Variants in NALF1 observed in about 807,000 individuals in gnomAD.
The protein encoded by NALF1 is family with sequence similarity 155 member A.
NALF1 carries 3 observed loss-of-function variants against 48.4 expected under a neutral mutation model. That is an observed-to-expected ratio of 0.06 (90% CI 0.03 to 0.16). The LOEUF (loss-of-function observed/expected upper bound fraction) is 0.16. Among genes scored for constraint, NALF1 ranks in the 10% least tolerant of loss-of-function variants. The pLI is 1.00. For missense variants in NALF1, 526 were observed against 571.5 expected, an observed-to-expected ratio of 0.92 and a Z score of 0.81; for synonymous variants, 262 against 245.7, an observed-to-expected ratio of 1.07 and a Z score of -0.62.
At chr13:107,774,396 AC>A (rs1472073674) in intron 1 of NALF1, among the ~76,000 whole-genome samples, 3 of 152,220 alleles carry the variant, frequency 2.0e-5, no homozygotes, top group Non-Finnish European at 2.9e-5. Context: ...TGATTTTGTT[AC>A]GGGATTTCTT....
chr13:107,276,764 ACAT>A (rs1881290193), intron 1 of NALF1, among the ~76,000 whole-genome samples: 1 of 152,182 alleles, frequency 6.6e-6, no homozygotes, highest in African/African-American at 2.4e-5. Flanking sequence ...AGAGATAAAC[ACAT>A]CATTTATAAA....
chr13:107,321,660 C>T (rs920382385), intron 1 of NALF1, among the ~76,000 whole-genome samples: 10 of 152,064 alleles, frequency 6.6e-5, no homozygotes, highest in African/African-American at 2.4e-4. Flanking sequence ...TTGTTCCTGG[C>T]CCTGCGTCTA....
intron 1 of NALF1, among the ~76,000 whole-genome samples, chr13:107,470,877 ATAATT>A (rs1286776803): frequency 1.3e-5 from 2 of 152,218 alleles, no homozygotes; most frequent in Non-Finnish European, 2.9e-5. Context: ...ACGATCGTTA[ATAATT>A]TAAAGGGTGA....
rs150188895 is a variant in NALF1, at chr13:107,556,290, TATATATACAC to T, written c.915+309382_915+309391del. On this transcript the variant is annotated intron_variant, in intron 1 of 2. Coordinates refer to ENST00000375915, the MANE Select transcript of NALF1 (RefSeq NM_001080396.3). The stretch of plus-strand genomic sequence containing the variant: ...CTCTCAACATATATATATATATATA[TATATATACAC>T]ACACACACACACACACACATATATA... Among the ~76,000 whole-genome samples, 3,278 of 137,350 alleles carry T rather than the reference TATATATACAC, an allele frequency of 0.024. 319 individuals are homozygous for T. In the East Asian group the frequency reaches 0.34, roughly 14 times the overall value. The allele number at this position is 137,350 out of a possible 152,430, so 90.1% of individuals were successfully genotyped here.
chr13:107,546,112 T>C (rs188249972), intron 1 of NALF1, among the ~76,000 whole-genome samples: 41 of 152,228 alleles, frequency 2.7e-4, no homozygotes, highest in Admixed American at 7.9e-4. Context: ...CCAGCAGTTA[T>C]AGCCAACAAC....
At chr13:107,293,324 A>G (rs1881666132) in intron 1 of NALF1, among the ~76,000 whole-genome samples, 1 of 152,154 alleles carries the variant, frequency 6.6e-6, no homozygotes, top group African/African-American at 2.4e-5. Flanking sequence ...CATGTGGTCC[A>G]TTGTTGACTG....
At chr13:107,170,865 A>G in intron 2 of NALF1, 79 bp from the exon 3 acceptor site, 2 of 1,321,372 alleles carry the variant, frequency 1.5e-6, no homozygotes, top group African/African-American at 1.5e-5. Flanking sequence ...TTGCTTTAAC[A>G]TTCTAACCCA....
intron 1 of NALF1, among the ~76,000 whole-genome samples, chr13:107,261,102 T>TA (rs1880919573): frequency 6.6e-6 from 1 of 152,254 alleles, no homozygotes; most frequent in African/African-American, 2.4e-5. Flanking sequence ...ACTGGTTTGT[T>TA]AGAGTAGTTA....
Position 107,643,379 on chromosome 13 carries a change from G to C in NALF1, c.915+222303C>G, listed in dbSNP as rs145663786. On this transcript the variant is annotated intron_variant, in intron 1 of 2. Transcript: ENST00000375915. ...TCAGCGAGGAGGGCTAGCAACCATA[G>C]TTTAATAAACTCTTCCCATTCAAAA... Among the ~76,000 whole-genome samples, 408 of 152,216 alleles carry C rather than the reference G, an allele frequency of 2.7e-3. 2 individuals are homozygous for C. Among genetic ancestry groups the C allele is most frequent in the African/African-American group, 9.4e-3 (390 of 41,530 alleles).
At chr13:107,763,471 CA>C (rs750250035) in intron 1 of NALF1, among the ~76,000 whole-genome samples, 15,118 of 79,176 alleles carry the variant, frequency 0.19, 985 homozygotes, top group African/African-American at 0.33. Context: ...TATTAAAATT[CA>C]AAAAAAAAAA....
intron 1 of NALF1, among the ~76,000 whole-genome samples, chr13:107,813,576 A>G (rs918707597): frequency 2.0e-5 from 3 of 152,248 alleles, no homozygotes; most frequent in Non-Finnish European, 4.4e-5. Context: ...TAGGTGTTAT[A>G]TATTTCATGC....
intron 1 of NALF1, among the ~76,000 whole-genome samples, chr13:107,557,372 G>A (rs191494642): frequency 1.2e-4 from 19 of 152,090 alleles, no homozygotes; most frequent in African/African-American, 4.3e-4. Context: ...ATCACATTTG[G>A]GGAAAAGATG....
At chr13:107,290,320 G>C (rs1211933464) in intron 1 of NALF1, among the ~76,000 whole-genome samples, 2 of 152,022 alleles carry the variant, frequency 1.3e-5, no homozygotes, top group Admixed American at 6.6e-5. Context: ...TAGGAATAAA[G>C]GGAGGAAAAA....
intron 1 of NALF1, among the ~76,000 whole-genome samples, chr13:107,474,311 G>A (rs1351771133): frequency 6.6e-6 from 1 of 152,128 alleles, no homozygotes; most frequent in Admixed American, 6.5e-5. Flanking sequence ...CCAAACACAA[G>A]ATAGAACTAT....
chr13:107,847,360 G>C (rs1253731642), intron 1 of NALF1, among the ~76,000 whole-genome samples: 2 of 152,178 alleles, frequency 1.3e-5, no homozygotes, highest in African/African-American at 4.8e-5. Flanking sequence ...TAACGGATGT[G>C]CAAACAGTCT....
In NALF1 at chr13:107,644,614, A is replaced by AGT. The variant is rs573718108; in HGVS notation, c.915+221066_915+221067dup. Among the ~76,000 whole-genome samples the AGT allele has an allele frequency of 9.0e-4, 112 of 124,552 alleles. 2 individuals are homozygous for AGT. Among genetic ancestry groups the AGT allele is most frequent in the African/African-American group, 3.1e-3 (105 of 34,192 alleles). 81.7% of individuals were successfully genotyped at this position (124,552 alleles called of 152,430 possible). A position where few individuals can be genotyped will look rare whatever the true frequency, so the allele number is the denominator to read the frequency against. The stretch of plus-strand genomic sequence containing the variant: ...AAATACCTTTAAAAAAGACATTTAG[A>AGT]GTGTGTGTGTGTATACATACATACA... On this transcript the variant is annotated intron_variant, in intron 1 of 2. Transcript: ENST00000375915.
At chr13:107,236,974 G>T (rs1193722855) in intron 1 of NALF1, among the ~76,000 whole-genome samples, 1 of 151,970 alleles carries the variant, frequency 6.6e-6, no homozygotes, top group East Asian at 1.9e-4. Context: ...ATGTATGTAG[G>T]TTATATGGAA....
At chr13:107,257,211 C>T (rs972581292) in intron 1 of NALF1, among the ~76,000 whole-genome samples, 5 of 152,114 alleles carry the variant, frequency 3.3e-5, no homozygotes, top group Non-Finnish European at 5.9e-5. Context: ...CCTCCCTTGA[C>T]ATGTGGGGAT....
At chr13:107,346,984 T>C (rs1363191669) in intron 1 of NALF1, among the ~76,000 whole-genome samples, 3 of 152,260 alleles carry the variant, frequency 2.0e-5, no homozygotes, top group Non-Finnish European at 4.4e-5. Context: ...GAATTAGGTT[T>C]GTAAATTCTG....
Sources: gnomAD v4.1 joint callset for allele counts (sites outside exome capture counted in the v4.1 genomes callset) on GRCh38, gnomAD v4.1.1 for gene constraint, MANE v1.5 for transcripts, NCBI Gene and HGNC (gene_info 2026-07-23, HGNC 2026-07-21) for gene names.